Variants in SBNO2 observed in about 807,000 individuals in gnomAD.
SBNO2 encodes the protein strawberry notch homolog 2, also known as protein strawberry notch homolog 2.
Under a neutral mutation model 146.3 loss-of-function variants are expected in SBNO2, and 89 were observed. The observed-to-expected ratio is 0.61, with a 90% CI of 0.51 to 0.73. The LOEUF (loss-of-function observed/expected upper bound fraction) is 0.73, where lower values mean the gene tolerates loss of function less well. SBNO2 is among the 30% of genes least tolerant of loss of function. SBNO2 has a pLI of 0.00. For missense variants in SBNO2, 2,092 were observed against 2,003.7 expected (o/e 1.04, Z -0.84); for synonymous variants, 1,147 against 892.6 (o/e 1.29, Z -5.08).
At chr19:1,138,469 G>T (rs996299035) in intron 4 of SBNO2, among the ~76,000 whole-genome samples, 1 of 151,942 alleles carries the variant, frequency 6.6e-6, no homozygotes, top group African/African-American at 2.4e-5. Context: ...GCATATGGAC[G>T]CTGCTAACAG....
intron 4 of SBNO2, chr19:1,132,023 GAATGGGGTCCCACCTC>G: frequency 7.7e-7 from 1 of 1,291,494 alleles, no homozygotes; most frequent in South Asian, 1.5e-5. Flanking sequence ...CGGCCGTCCT[GAATGGGGTCCCACCTC>G]CCAGACCCCT....
At chr19:1,153,485 C>T (rs1047240050) in intron 2 of SBNO2, among the ~76,000 whole-genome samples, 1 of 151,846 alleles carries the variant, frequency 6.6e-6, no homozygotes, top group East Asian at 2.0e-4. Context: ...GTGATCTGCC[C>T]GCCTTGGCCT....
At chr19:1,119,491 C>T in intron 13 of SBNO2, 25 bp downstream of exon 13, 2 of 1,534,580 alleles carry the variant, frequency 1.3e-6, no homozygotes, top group Non-Finnish European at 1.8e-6. Flanking sequence ...CGCCGCCCCT[C>T]CACGTGGGTG....
intron 13 of SBNO2, 149 bp from the exon 14 acceptor site, chr19:1,119,313 C>A: frequency 9.3e-7 from 1 of 1,079,336 alleles, no homozygotes; most frequent in Non-Finnish European, 1.3e-6. Flanking sequence ...CTGAGCCTGG[C>A]GGGGACGGGG....
chr19:1,152,470 G>A (rs1163118972), intron 2 of SBNO2, among the ~76,000 whole-genome samples: 1 of 151,950 alleles, frequency 6.6e-6, no homozygotes, highest in Admixed American at 6.5e-5. Context: ...CTGTTCCGGT[G>A]GGGATGTGGC....
rs568328304 is a variant in SBNO2 at position 1,128,094 on chromosome 19, G to T, written c.280-329C>A. On this transcript the variant is annotated intron_variant, in intron 4 of 31. Transcript: ENST00000361757. The stretch of plus-strand genomic sequence containing the variant: ...GCATCCAAAAGTGTTGGGATTACAG[G>T]CGTGAGCCACCATGTGACAGAGCGA... The T allele has an allele frequency of 1.2e-4, 61 of 518,132 alleles. No homozygotes were observed. In the Admixed American group the frequency reaches 1.5e-3, roughly 13 times the overall value. 32.1% of individuals were successfully genotyped at this position (518,132 alleles called of 1,614,324 possible).
At chr19:1,167,729 G>A (rs2080439366) in intron 1 of SBNO2, among the ~76,000 whole-genome samples, 1 of 152,198 alleles carries the variant, frequency 6.6e-6, no homozygotes, top group Admixed American at 6.5e-5. Flanking sequence ...GGGGTGGGGG[G>A]GACGGTGGCT....
chr19:1,145,122 CAGAG>C (rs1379901519), intron 4 of SBNO2, among the ~76,000 whole-genome samples: 2 of 150,726 alleles, frequency 1.3e-5, no homozygotes, highest in African/African-American at 4.9e-5. Flanking sequence ...GGGAGGGAGA[CAGAG>C]AGAGAGACTA....
At chr19:1,135,283 G>T (rs1361891284) in intron 4 of SBNO2, among the ~76,000 whole-genome samples, 1 of 151,172 alleles carries the variant, frequency 6.6e-6, no homozygotes, top group African/African-American at 2.4e-5. Context: ...AATCACTTGA[G>T]CTAGAGAGGT....
At chr19:1,124,561 G>A (rs2079943420) in intron 5 of SBNO2, among the ~76,000 whole-genome samples, 3 of 152,196 alleles carry the variant, frequency 2.0e-5, no homozygotes, top group Middle Eastern at 3.2e-3. Context: ...CAGGGTGGGT[G>A]GCCCAGGGCA....
chr19:1,137,192 T>C (rs1018951909), intron 4 of SBNO2, among the ~76,000 whole-genome samples: 2 of 130,236 alleles, frequency 1.5e-5, no homozygotes, highest in African/African-American at 6.3e-5. Flanking sequence ...TGGGGTGCGG[T>C]TGGGGGAGGC....
At chr19:1,146,695 G>A (rs1434331368) in intron 4 of SBNO2, among the ~76,000 whole-genome samples, 1 of 149,652 alleles carries the variant, frequency 6.7e-6, no homozygotes, top group Non-Finnish European at 1.5e-5. Flanking sequence ...CTGGGGCACT[G>A]GGAACCCCTT....
rs983449992 is a variant in SBNO2 at position 1,154,197 on chromosome 19, G to A, written c.80C>T (p.Pro27Leu). The A allele has an allele frequency of 2.3e-5, 29 of 1,246,638 alleles. No individual in the cohort carries two copies. Among genetic ancestry groups the A allele is most frequent in the Admixed American group, 3.9e-5 (1 of 25,546 alleles). 77.2% of individuals were successfully genotyped at this position (1,246,638 alleles called of 1,614,324 possible). The change falls in exon 2 of 32, where the codon CCG becomes CTG. Residue 27 changes from proline (P) to leucine (L), a missense_variant. Pro to Leu is a moderately conservative substitution (Grantham distance 98, BLOSUM62 -3). Transcript: ENST00000361757. Reference sequence around the variant, plus strand: ...GGTGGGGCTCACCTGCAGGGGCGGCGGGCTGTACAGGAGGCTGCCCGCCGG... The same window carrying A: ...GGTGGGGCTCACCTGCAGGGGCGGCAGGCTGTACAGGAGGCTGCCCGCCGG... ...PPPAGSLLYS[P>L]PPLQSAMLHC...
At chr19:1,123,736 C>T in intron 6 of SBNO2, 97 bp from the exon 7 acceptor site, 1 of 1,274,192 alleles carries the variant, frequency 7.8e-7, no homozygotes, top group Admixed American at 2.1e-5. Context: ...CCATGGGCAG[C>T]TGAGTGACCC....
chr19:1,133,222 G>A (rs1259162145), intron 4 of SBNO2, among the ~76,000 whole-genome samples: 1 of 150,868 alleles, frequency 6.6e-6, no homozygotes, highest in African/African-American at 2.5e-5. Flanking sequence ...CATTGCCCAC[G>A]AGACCGCGGC....
At chr19:1,108,999 G>A (rs2079715489) in intron 30 of SBNO2, 30 bp from the exon 31 acceptor site, 1 of 1,494,048 alleles carries the variant, frequency 6.7e-7, no homozygotes, top group Admixed American at 2.2e-5. Flanking sequence ...TCTCGGCTCA[G>A]GCGGGTCCCA....
intron 3 of SBNO2, among the ~76,000 whole-genome samples, chr19:1,148,252 C>T (rs967992535): frequency 6.6e-6 from 1 of 152,062 alleles, no homozygotes; most frequent in South Asian, 2.1e-4. Flanking sequence ...CCACTCTCCT[C>T]CTGCATAGAA....
At chr19:1,127,836 G>T in intron 4 of SBNO2, 71 bp from the exon 5 acceptor site, 1 of 1,459,780 alleles carries the variant, frequency 6.9e-7, no homozygotes, top group Non-Finnish European at 9.5e-7. Context: ...ACTGGAGCAC[G>T]TGGGGATGGG....
At chr19:1,122,834 C>T (rs537945912) in intron 8 of SBNO2, 43 bp from the exon 9 acceptor site, 26 of 1,537,434 alleles carry the variant, frequency 1.7e-5, no homozygotes, top group Middle Eastern at 1.7e-4. Context: ...GGTGCTGGCC[C>T]GGCCCCTCCC....
Sources: gnomAD v4.1 joint callset for allele counts (sites outside exome capture counted in the v4.1 genomes callset) on GRCh38, gnomAD v4.1.1 for gene constraint, MANE v1.5 for transcripts, NCBI Gene and HGNC (gene_info 2026-07-23, HGNC 2026-07-21) for gene names.